Variants in TMTC1 observed in about 807,000 individuals in gnomAD.
TMTC1 encodes the protein transmembrane O-mannosyltransferase targeting cadherins 1.
A neutral mutation model predicts 104.8 loss-of-function variants in TMTC1; 73 were observed. The observed-to-expected ratio is 0.70, with a 90% confidence interval of 0.58 to 0.85. The LOEUF (loss-of-function observed/expected upper bound fraction) is 0.85, where lower values mean the gene tolerates loss of function less well. TMTC1 is among the 40% of genes least tolerant of loss of function. The pLI, the probability that TMTC1 is intolerant of heterozygous loss-of-function variation, is 0.00. For missense variants in TMTC1, 1,035 were observed against 1,096.1 expected, an observed-to-expected ratio of 0.94 and a Z score of 0.79; for synonymous variants, 434 against 428.7, an observed-to-expected ratio of 1.01 and a Z score of -0.15.
chr12:29,784,090 C>G (rs899726689), upstream of TMTC1, among the ~76,000 whole-genome samples: 2 of 151,490 alleles, frequency 1.3e-5, no homozygotes, highest in Non-Finnish European at 3.0e-5. Context: ...GCCCGCCTTG[C>G]TTGCAGGTGG....
chr12:29,683,543 C>T (rs1038392520), intron 5 of TMTC1, among the ~76,000 whole-genome samples: 1 of 152,144 alleles, frequency 6.6e-6, no homozygotes, highest in Non-Finnish European at 1.5e-5. Context: ...CGTGTGTATA[C>T]GCAAGGGACC....
intron 5 of TMTC1, among the ~76,000 whole-genome samples, chr12:29,683,350 G>A (rs1488879601): frequency 6.6e-6 from 1 of 152,054 alleles, no homozygotes; most frequent in Non-Finnish European, 1.5e-5. Context: ...TCCCAAAAAA[G>A]CATCTAGAAA....
intron 5 of TMTC1, among the ~76,000 whole-genome samples, chr12:29,671,474 T>C (rs893647804): frequency 6.6e-6 from 1 of 152,346 alleles, no homozygotes; most frequent in African/African-American, 2.4e-5. Context: ...CATACATGCA[T>C]ACATTTAACT....
At chr12:29,646,989 TC>T (rs1196725234) in intron 5 of TMTC1, among the ~76,000 whole-genome samples, 2 of 152,188 alleles carry the variant, frequency 1.3e-5, no homozygotes, top group African/African-American at 4.8e-5. Flanking sequence ...TAATCACACC[TC>T]TAAAATACAG....
At chr12:29,746,812 T>C (rs1390930810) in intron 5 of TMTC1, among the ~76,000 whole-genome samples, 2 of 152,220 alleles carry the variant, frequency 1.3e-5, no homozygotes, top group Non-Finnish European at 2.9e-5. Context: ...AATGAAAATC[T>C]AACCATTATC....
chr12:29,603,690 T>C (rs959046724), intron 7 of TMTC1, among the ~76,000 whole-genome samples: 1 of 152,194 alleles, frequency 6.6e-6, no homozygotes, highest in Non-Finnish European at 1.5e-5. Context: ...CATTTGAATG[T>C]CTTTTCTAGT....
intron 8 of TMTC1, among the ~76,000 whole-genome samples, chr12:29,580,659 C>T (rs1592265580): frequency 6.6e-6 from 1 of 152,266 alleles, no homozygotes; most frequent in Non-Finnish European, 1.5e-5. Context: ...AATTATTGTA[C>T]ATTTTTCTTA....
At chr12:29,511,586 C>G (rs138034414) in intron 17 of TMTC1, among the ~76,000 whole-genome samples, 9 of 152,198 alleles carry the variant, frequency 5.9e-5, no homozygotes, top group African/African-American at 2.2e-4. Context: ...AACAAGTTTG[C>G]TTTCCAGTAA....
At chr12:29,769,233 C>A (rs1401338367) in intron 1 of TMTC1, among the ~76,000 whole-genome samples, 4 of 152,154 alleles carry the variant, frequency 2.6e-5, no homozygotes, top group Non-Finnish European at 4.4e-5. Flanking sequence ...CATATGAATG[C>A]AAATGTCATA....
chr12:29,576,515 A>G (rs1199734750), intron 8 of TMTC1, among the ~76,000 whole-genome samples: 2 of 152,228 alleles, frequency 1.3e-5, no homozygotes, highest in Non-Finnish European at 2.9e-5. Flanking sequence ...TATGCTAAGT[A>G]AAGCCAGACG....
intron 5 of TMTC1, among the ~76,000 whole-genome samples, chr12:29,723,460 CCT>C (rs900006280): frequency 6.6e-6 from 1 of 152,162 alleles, no homozygotes; most frequent in Non-Finnish European, 1.5e-5. Flanking sequence ...GTGGCTCACA[CCT>C]GTAATCCCAG....
chr12:29,684,464 G>C (rs191823569), intron 5 of TMTC1, among the ~76,000 whole-genome samples: 1 of 152,196 alleles, frequency 6.6e-6, no homozygotes, highest in Non-Finnish European at 1.5e-5. Flanking sequence ...AAAAAAGAGG[G>C]CTTTCTCTTT....
At chr12:29,735,589 G>A (rs1942651163) in intron 5 of TMTC1, among the ~76,000 whole-genome samples, 1 of 152,166 alleles carries the variant, frequency 6.6e-6, no homozygotes, top group African/African-American at 2.4e-5. Context: ...TTATGTAATA[G>A]GTGTTTAATA....
intron 5 of TMTC1, among the ~76,000 whole-genome samples, chr12:29,669,606 C>A (rs1158761595): frequency 1.2e-4 from 19 of 152,062 alleles, no homozygotes; most frequent in Admixed American, 1.2e-3. Flanking sequence ...GATAGAGAGA[C>A]CTTATCATAA....
At chr12:29,633,893 C>T (rs56294439) in intron 5 of TMTC1, among the ~76,000 whole-genome samples, 48,401 of 152,066 alleles carry the variant, frequency 0.32, 8,618 homozygotes, top group Admixed American at 0.45. Context: ...TTCCTGGCTG[C>T]CACTAGGCAC....
chr12:29,681,335 T>C (rs12302328), intron 5 of TMTC1, among the ~76,000 whole-genome samples: 2,728 of 151,586 alleles, frequency 0.018, 75 homozygotes, highest in African/African-American at 0.063. Context: ...TGAAGGAATG[T>C]CTCTCTTGAT....
At chr12:29,537,312 T>C (rs776188422) in intron 10 of TMTC1, among the ~76,000 whole-genome samples, 2 of 152,136 alleles carry the variant, frequency 1.3e-5, no homozygotes, top group Non-Finnish European at 2.9e-5. Context: ...ATGTGCCATA[T>C]ACCCTCATAT....
chr12:29,553,309 C>T (rs1592221594), intron 10 of TMTC1, among the ~76,000 whole-genome samples: 1 of 152,048 alleles, frequency 6.6e-6, no homozygotes, highest in African/African-American at 2.4e-5. Context: ...CAATATATCT[C>T]CTAATAGATC....
chr12:29,671,509 G>A (rs1348633750), intron 5 of TMTC1, among the ~76,000 whole-genome samples: 1 of 152,142 alleles, frequency 6.6e-6, no homozygotes, highest in African/African-American at 2.4e-5. Flanking sequence ...AAAATGTATT[G>A]AGTGCATACT....
Sources: allele counts gnomAD v4.1 joint callset (sites outside exome capture counted in the v4.1 genomes callset), GRCh38; gene constraint gnomAD v4.1.1; transcripts MANE v1.5; gene names NCBI Gene and HGNC (gene_info 2026-07-23, HGNC 2026-07-21).